The following MTREX variants were observed in gnomAD, a reference collection of about 807,000 sequenced individuals.
MTREX encodes the protein exosome RNA helicase MTR4.
MTREX carries 76 observed loss-of-function variants against 135.4 expected under a neutral mutation model. That is an observed-to-expected ratio of 0.56 (90% CI 0.47 to 0.68). The LOEUF (loss-of-function observed/expected upper bound fraction) is 0.68, where lower values mean the gene tolerates loss of function less well. Among genes scored for constraint, MTREX ranks in the 30% least tolerant of loss-of-function variants. The pLI is 0.00. For synonymous variants in MTREX, 404 were observed against 401.6 expected (o/e 1.01, Z -0.07); for missense variants, 920 against 1,262.1 (o/e 0.73, Z 4.11).
intron 19 of MTREX, among the ~76,000 whole-genome samples, chr5:55,390,573 T>G (rs941593122): frequency 5.3e-5 from 8 of 152,196 alleles, no homozygotes; most frequent in African/African-American, 1.9e-4. Flanking sequence ...TAAAGATCAC[T>G]TGCAGTTTTG....
At chr5:55,406,444 G>A (rs540345833) in intron 22 of MTREX, among the ~76,000 whole-genome samples, 2 of 152,320 alleles carry the variant, frequency 1.3e-5, no homozygotes, top group East Asian at 3.9e-4. Context: ...TTACATGGTA[G>A]CTGAAGGCTC....
chr5:55,389,219 C>A (rs1239335842), intron 19 of MTREX, among the ~76,000 whole-genome samples: 1 of 152,152 alleles, frequency 6.6e-6, no homozygotes, highest in Non-Finnish European at 1.5e-5. Flanking sequence ...AAGGCTAAAA[C>A]TCCCACAGTT....
chr5:55,309,707 G>A (rs1356514982), intron 1 of MTREX, among the ~76,000 whole-genome samples: 1 of 152,172 alleles, frequency 6.6e-6, no homozygotes, highest in Non-Finnish European at 1.5e-5. Flanking sequence ...TTTTAATAGG[G>A]TTTTGGAGAG....
intron 19 of MTREX, among the ~76,000 whole-genome samples, chr5:55,391,700 T>C (rs988600598): frequency 6.6e-5 from 10 of 152,348 alleles, no homozygotes; most frequent in African/African-American, 1.9e-4. Context: ...TTTTTTCTAC[T>C]GATCCCAAAT....
chr5:55,379,932 T>C (rs1197041165), intron 18 of MTREX, among the ~76,000 whole-genome samples: 1 of 152,160 alleles, frequency 6.6e-6, no homozygotes, highest in Non-Finnish European at 1.5e-5. Flanking sequence ...CATTTTTTGT[T>C]TATTTTTTTT....
chr5:55,415,592 G>GA lies in MTREX; in HGVS notation c.2809-373dup, dbSNP rs568902167. Among the ~76,000 whole-genome samples the GA allele has an allele frequency of 5.0e-4, 76 of 152,266 alleles. No individual in the cohort carries two copies. The East Asian group carries it at 0.012, about 23-fold the overall frequency. Reference sequence around the variant, plus strand: ...ATGTACATTTTTAAGCATTGTTGTGGAAAAATGTATTTTGCTCTAGGATTT... The same window carrying GA: ...ATGTACATTTTTAAGCATTGTTGTGGAAAAAATGTATTTTGCTCTAGGATTT... On this transcript the variant is annotated intron_variant, in intron 24 of 26. Transcript: ENST00000230640.
chr5:55,351,562 A>G (rs1749828424), intron 13 of MTREX, among the ~76,000 whole-genome samples: 2 of 152,192 alleles, frequency 1.3e-5, no homozygotes, highest in East Asian at 3.8e-4. Context: ...ATGTAGTGGT[A>G]ACACTATTGG....
chr5:55,392,126 T>G (rs747493715), intron 19 of MTREX, among the ~76,000 whole-genome samples: 39 of 152,208 alleles, frequency 2.6e-4, no homozygotes, highest in Admixed American at 2.5e-3. Flanking sequence ...GTTTGTGTTG[T>G]CATTTCTGAA....
intron 18 of MTREX, among the ~76,000 whole-genome samples, chr5:55,380,324 T>TATATTTGCAG (rs1750375298): frequency 6.6e-6 from 1 of 152,160 alleles, no homozygotes; most frequent in African/African-American, 2.4e-5. Flanking sequence ...TGACATTTAG[T>TATATTTGCAG]ATATTTGCAG....
intron 16 of MTREX, among the ~76,000 whole-genome samples, chr5:55,375,898 C>G (rs1735849233): frequency 6.6e-6 from 1 of 152,210 alleles, no homozygotes; most frequent in Non-Finnish European, 1.5e-5. Flanking sequence ...GGGTCCCTGT[C>G]TTCCCGCAAC....
chr5:55,388,199 A>G (rs951803419), intron 19 of MTREX, 97 bp downstream of exon 19: 98 of 1,067,358 alleles, frequency 9.2e-5, no homozygotes, highest in Middle Eastern at 2.8e-4. Context: ...ACATACTATC[A>G]TGATTTCTAA....
At chr5:55,324,258 C>G in intron 3 of MTREX, 60 bp downstream of exon 3, 6 of 1,202,360 alleles carry the variant, frequency 5.0e-6, no homozygotes, top group Non-Finnish European at 7.2e-6. Context: ...TTTGGACTAT[C>G]TAGTATGATG....
intron 18 of MTREX, 60 bp downstream of exon 18, chr5:55,379,255 G>C: frequency 9.8e-7 from 1 of 1,022,508 alleles, no homozygotes; most frequent in Admixed American, 1.8e-5. Context: ...GTTTTTTAAG[G>C]CTTATGAAAT....
At position 55,323,338 on chromosome 5, in the gene MTREX, A is replaced by G. The variant is rs112557399; in HGVS notation, c.273-794A>G. ...AATAATCTAGCACAGAAATACATCT[A>G]TTTTTCTTCAGTTTATCCAGTTTTG... is the stretch of plus-strand genomic sequence containing the variant. On this transcript the variant is annotated intron_variant, in intron 2 of 26. Coordinates refer to ENST00000230640, the MANE Select transcript of MTREX (RefSeq NM_015360.5). Among the ~76,000 whole-genome samples the G allele has an allele frequency of 5.9e-3, 891 of 152,140 alleles. 7 individuals carry two copies. Among genetic ancestry groups the G allele is most frequent in the African/African-American group, 0.021 (853 of 41,502 alleles).
chr5:55,337,925 C>T (rs552323146), intron 5 of MTREX, among the ~76,000 whole-genome samples: 2 of 152,026 alleles, frequency 1.3e-5, no homozygotes, highest in African/African-American at 4.8e-5. Flanking sequence ...TTGGGGCTTA[C>T]AGTATGCATG....
In MTREX at chr5:55,424,724, C is replaced by T; in HGVS notation, c.3081C>T (p.Ile1027=). The change falls in exon 27 of 27, where the codon ATC becomes ATT. Residue 1027 remains isoleucine (I), a synonymous_variant. Transcript: ENST00000230640. The part of the protein sequence containing the change: ...TELENKFAEG[I]TKIKRDIVFA... ...CCTTACTTTCTTTTCTCTTAGGAAT[C>T]ACCAAAATCAAGAGAGATATTGTGT... The T allele has an allele frequency of 1.9e-6, 3 of 1,609,892 alleles. No homozygotes were observed. The highest frequency in any genetic ancestry group is 2.6e-6 in the Non-Finnish European group (3 of 1,176,296).
chr5:55,372,238 C>T (rs1750215306), intron 16 of MTREX, among the ~76,000 whole-genome samples: 1 of 151,950 alleles, frequency 6.6e-6, no homozygotes, highest in South Asian at 2.1e-4. Flanking sequence ...TGCCATAATG[C>T]GTGTTGTTAC....
Position 55,341,710 on chromosome 5 carries a change from C to T in MTREX, c.720C>T (p.Ser240=), listed in dbSNP as rs771216558. ...EILRSMLYRG[S]EVMREVAWVI... Reference sequence around the variant, plus strand: ...TGAGAAGTATGCTTTACAGAGGTTCCGAAGTTATGAGAGAAGTTGCTTGGG... The same window carrying T: ...TGAGAAGTATGCTTTACAGAGGTTCTGAAGTTATGAGAGAAGTTGCTTGGG... The change falls in exon 7 of 27, where the codon TCC becomes TCT. Residue 240 remains serine (S), a synonymous_variant. Transcript: ENST00000230640. 6.9e-6 allele frequency: 11 copies of T among 1,594,104 alleles called. No homozygotes were observed. The highest frequency in any genetic ancestry group is 2.7e-5 in the African/African-American group (2 of 74,234).
At chr5:55,348,061 G>A (rs1749767588) in intron 11 of MTREX, among the ~76,000 whole-genome samples, 1 of 152,192 alleles carries the variant, frequency 6.6e-6, no homozygotes, top group Non-Finnish European at 1.5e-5. Flanking sequence ...TGAGTTTTGG[G>A]TGGGGACACA....
Sources: allele counts gnomAD v4.1 joint callset (sites outside exome capture counted in the v4.1 genomes callset), GRCh38; gene constraint gnomAD v4.1.1; transcripts MANE v1.5; gene names NCBI Gene and HGNC (gene_info 2026-07-23, HGNC 2026-07-21).